The following FBN3 variants were observed in gnomAD, a reference collection of about 807,000 sequenced individuals.
FBN3 encodes the protein fibrillin-3.
Under a neutral mutation model 330.1 loss-of-function variants are expected in FBN3, and 234 were observed. The observed-to-expected ratio is 0.71, with a 90% CI of 0.64 to 0.79. The LOEUF is 0.79. Ranked by LOEUF, FBN3 falls within the 30% of genes least tolerant of loss-of-function variation. FBN3 has a pLI of 0.00. For synonymous variants in FBN3, 1,458 were observed against 1,517.3 expected (o/e 0.96, Z 0.91); for missense variants, 3,606 against 3,886.9 (o/e 0.93, Z 1.92).
chr19:8,137,905 G>A (rs1189282796), intron 10 of FBN3, among the ~76,000 whole-genome samples: 1 of 152,142 alleles, frequency 6.6e-6, no homozygotes, highest in Non-Finnish European at 1.5e-5. Flanking sequence ...TGGGATTATA[G>A]GCATGAGTCG....
rs376747910 is a variant in FBN3, at chr19:8,085,543, C to T, written c.6907G>A (p.Glu2303Lys). The T allele has an allele frequency of 6.5e-5, 103 of 1,583,440 alleles. No homozygotes were observed. In the East Asian group the frequency reaches 1.1e-3, roughly 17 times the overall value. ...HDIRQGPCFA[E>K]VLQTMCRSLS... ...GACCGGCACATGGTCTGCAGCACCT[C>T]GGCAAAGCAGGGCCCCTGCCGGATG... Residue 2303 changes from glutamate (E) to lysine (K), a missense_variant, in exon 56 of 64, where the codon GAG (glutamate) becomes AAG (lysine). Coordinates refer to ENST00000600128, the MANE Select transcript of FBN3 (RefSeq NM_032447.5).
chr19:8,095,243 ATTT>A, intron 46 of FBN3, 129 bp downstream of exon 46: 4 of 876,052 alleles, frequency 4.6e-6, no homozygotes, highest in East Asian at 3.8e-5. Flanking sequence ...AGTGCTGGGT[ATTT>A]TTTTTTTTAA....
At position 8,072,166 on chromosome 19, in the gene FBN3, C is replaced by A. The variant is rs200077124; in HGVS notation, c.7970G>T (p.Gly2657Val). The A allele has an allele frequency of 6.5e-5, 103 of 1,585,916 alleles. No homozygotes were observed. The highest frequency in any genetic ancestry group is 8.4e-5 in the Non-Finnish European group (98 of 1,166,872). The change falls in exon 63 of 64, where the codon GGA becomes GTA. Residue 2657 changes from glycine to valine, a missense_variant. Physicochemically the swap from Gly to Val is moderately radical, Grantham distance 109. Coordinates refer to ENST00000600128, the MANE Select transcript of FBN3 (RefSeq NM_032447.5). ...HCVSGLGFSP[G>V]PQDTPDKEEL... The stretch of plus-strand genomic sequence containing the variant: ...CTCTTTGTCCGGGGTGTCCTGGGGT[C>A]CGGGGCTGAAGCCCAGGCCGGAGAC...
Position 8,089,624 on chromosome 19 carries a change from G to A in FBN3, c.6297C>T (p.Val2099=). 3 of 1,614,212 alleles carry A rather than the reference G, an allele frequency of 1.9e-6. No homozygotes were observed. The highest frequency in any genetic ancestry group is 2.5e-6 in the Non-Finnish European group (3 of 1,180,030). ...AENPGVCTNG[V]CVNTDGSFRC... is the part of the protein sequence containing the mutation. Reference sequence around the variant, plus strand: ...GGAAGGATCCATCGGTGTTGACACAGACGCCGTTAGTGCAGACGCCAGGGT... The same window carrying A: ...GGAAGGATCCATCGGTGTTGACACAAACGCCGTTAGTGCAGACGCCAGGGT... The change falls in exon 51 of 64, where the codon GTC becomes GTT. Residue 2099 remains valine, a synonymous_variant. Transcript: ENST00000600128.
intron 5 of FBN3, 62 bp from the exon 6 acceptor site, chr19:8,145,034 A>G: frequency 7.0e-7 from 1 of 1,422,896 alleles, no homozygotes; most frequent in East Asian, 2.4e-5. Flanking sequence ...TGGGGTTCAC[A>G]GCAAGCCTGT....
intron 10 of FBN3, 98 bp downstream of exon 10, chr19:8,138,043 T>C: frequency 7.3e-7 from 1 of 1,366,684 alleles, no homozygotes; most frequent in Non-Finnish European, 9.8e-7. Flanking sequence ...TAACCCTCTC[T>C]CTGAGGCCTG....
intron 22 of FBN3, among the ~76,000 whole-genome samples, chr19:8,124,539 A>ATT (rs55867844): frequency 5.3e-5 from 7 of 132,296 alleles, no homozygotes; most frequent in Admixed American, 7.8e-5. Context: ...TGCCTGGCCA[A>ATT]TTTTTTTTTT....
chr19:8,080,923 A>G, intron 59 of FBN3, 80 bp downstream of exon 59: 2 of 1,066,424 alleles, frequency 1.9e-6, no homozygotes, highest in Non-Finnish European at 2.8e-6. Context: ...CGCCTGGCCA[A>G]CTTGATATTT....
chr19:8,085,370 C>A lies in FBN3; in HGVS notation c.7080G>T (p.Glu2360Asp). Residue 2360 changes from glutamate to aspartate, a missense_variant, in exon 56 of 64, where the codon GAG (glutamate) becomes GAT (aspartate). Glu to Asp is a conservative substitution (Grantham distance 45). Coordinates refer to ENST00000600128, the MANE Select transcript of FBN3 (RefSeq NM_032447.5). ...GAGGGCATGGGCACCCACCTCGGCC[C>A]TCAGCAGTGTAGCCTGAGCCATGGG... Reference protein sequence around the residue: ...LCPHGSGYTAEGRDVDECRML... With the variant: ...LCPHGSGYTADGRDVDECRML... 1 of 1,574,816 alleles carries A rather than the reference C, an allele frequency of 6.3e-7. No homozygotes were observed. The highest frequency in any genetic ancestry group is 2.3e-5 in the East Asian group (1 of 43,214).
At chr19:8,075,043 C>T in intron 61 of FBN3, 28 bp downstream of exon 61, 1 of 1,595,606 alleles carries the variant, frequency 6.3e-7, no homozygotes, top group Non-Finnish European at 8.5e-7. Flanking sequence ...GTGGAGGGCC[C>T]AGCTTCTTCC....
At chr19:8,130,635 A>AGGAAGGAAGGAAGGAAGGAAGG (rs764420258) in intron 16 of FBN3, among the ~76,000 whole-genome samples, 3 of 4,898 alleles carry the variant, frequency 6.1e-4, no homozygotes, top group South Asian at 9.4e-3. Context: ...AAAGAAAGAA[A>AGGAAGGAAGGAAGGAAGGAAGG]GAAAGAAAGG....
At chr19:8,093,495 C>T (rs1367713399) in intron 47 of FBN3, among the ~76,000 whole-genome samples, 3 of 152,066 alleles carry the variant, frequency 2.0e-5, no homozygotes, top group South Asian at 2.1e-4. Flanking sequence ...TGGTGGCGGG[C>T]GCCTGTAGTC....
At position 8,075,168 on chromosome 19, in the gene FBN3, G is replaced by A. The variant is rs777679709; in HGVS notation, c.7605C>T (p.Pro2535=). 1.9e-6 allele frequency: 3 copies of A among 1,570,220 alleles called. No individual in the cohort carries two copies. Among genetic ancestry groups the A allele is most frequent in the South Asian group, 2.4e-5 (2 of 84,502 alleles). Reference sequence around the variant, plus strand: ...TCTGACAGCCATGCTGGCAGCGGTGGGGCCCATCACATTCATTCACATCTG... The same window carrying A: ...TCTGACAGCCATGCTGGCAGCGGTGAGGCCCATCACATTCATTCACATCTG... ...GCEDVNECDG[P]HRCQHGCQNQ... The change falls in exon 61 of 64, where the codon CCC becomes CCT. Residue 2535 remains proline, a synonymous_variant. Coordinates refer to ENST00000600128, the MANE Select transcript of FBN3 (RefSeq NM_032447.5).
intron 13 of FBN3, 25 bp downstream of exon 13, chr19:8,135,936 G>GCCCCCCCCCCCCCCCCCCCCC: frequency 1.5e-6 from 1 of 668,778 alleles, no homozygotes; most frequent in Non-Finnish European, 2.4e-6. Flanking sequence ...GGAAGCCCCT[G>GCCCCCCCCCCCCCCCCCCCCC]CCCACCCGCC....
chr19:8,110,217 A>G (rs1275459888), intron 34 of FBN3, among the ~76,000 whole-genome samples: 2 of 152,016 alleles, frequency 1.3e-5, no homozygotes, highest in African/African-American at 4.8e-5. Context: ...CACAATGCCC[A>G]GCTAATTTTT....
chr19:8,096,607 A>G lies in FBN3; in HGVS notation c.5414-38T>C. 1 of 1,576,264 alleles carries G rather than the reference A, an allele frequency of 6.3e-7. No individual in the cohort carries two copies. Among genetic ancestry groups the G allele is most frequent in the Non-Finnish European group, 8.6e-7 (1 of 1,161,320 alleles). On this transcript the variant is annotated intron_variant, in intron 43 of 63. Coordinates refer to ENST00000600128, the MANE Select transcript of FBN3 (RefSeq NM_032447.5). This position sits in a 1 kb window ranked among gnomAD's most constrained non-coding sequence, Gnocchi z 4.6. ...AGAGCATGGTGTTCCCAGGGCTCCT[A>G]CCACAGTGTTTGCCTGAGCTCTCCC...
Position 8,083,465 on chromosome 19 carries a change from C to T in FBN3, c.7088-93G>A, listed in dbSNP as rs74549564. On this transcript the variant is annotated intron_variant, in intron 56 of 63. Coordinates refer to ENST00000600128, the MANE Select transcript of FBN3 (RefSeq NM_032447.5). ...TCTCTCTGCCCAGCAGCCGTCTCCT[C>T]GGAGGAAAGTCCAGCCTCCCTTCCA... 1,552 of 1,487,230 alleles carry T rather than the reference C, an allele frequency of 1.0e-3. 15 individuals carry two copies. The African/African-American group carries it at 0.018, about 18-fold the overall frequency. The allele number at this position is 1,487,230 out of a possible 1,614,324, so 92.1% of individuals were successfully genotyped here. A position where few individuals can be genotyped will look rare whatever the true frequency, so the allele number is the denominator to read the frequency against.
Position 8,075,425 on chromosome 19 carries a change from A to G in FBN3, c.7454-14T>C. On this transcript the variant is annotated splice_polypyrimidine_tract_variant and intron_variant, in intron 59 of 63. Coordinates refer to ENST00000600128, the MANE Select transcript of FBN3 (RefSeq NM_032447.5). ...ACTCATCATTGTCTGCAGAGGAGAG[A>G]GATCAGGCAGGGTTGCCTGCTGGTT... The G allele has an allele frequency of 1.2e-6, 2 of 1,606,536 alleles. No homozygotes were observed. The highest frequency in any genetic ancestry group is 1.7e-6 in the Non-Finnish European group (2 of 1,174,774).
chr19:8,118,257 C>T (rs1002339457), intron 26 of FBN3, among the ~76,000 whole-genome samples: 2 of 152,142 alleles, frequency 1.3e-5, no homozygotes, highest in Non-Finnish European at 1.5e-5. Flanking sequence ...CTACACATCA[C>T]ATTCTCTTAC....
Sources: gnomAD v4.1 joint callset for allele counts (sites outside exome capture counted in the v4.1 genomes callset) on GRCh38, gnomAD v4.1.1 for gene constraint, Gnocchi (gnomAD v3.1) non-coding constraint, MANE v1.5 for transcripts, NCBI Gene and HGNC (gene_info 2026-07-23, HGNC 2026-07-21) for gene names.